Variants in METTL15 observed in about 807,000 individuals in gnomAD.
METTL15 encodes 12S rRNA N(4)-cytidine methyltransferase METTL15.
Under a neutral mutation model 38.3 loss-of-function variants are expected in METTL15, and 34 were observed. That is an observed-to-expected ratio of 0.89 (90% CI 0.68 to 1.18). The LOEUF (loss-of-function observed/expected upper bound fraction) is 1.18. Ranked by LOEUF, METTL15 falls within the 50% of genes most tolerant of loss-of-function variation. The pLI is 0.00. For missense variants in METTL15, 438 were observed against 498.4 expected, an observed-to-expected ratio of 0.88 and a Z score of 1.15; for synonymous variants, 162 against 170.9, an observed-to-expected ratio of 0.95 and a Z score of 0.41.
intron 6 of METTL15, among the ~76,000 whole-genome samples, chr11:28,315,821 T>C (rs1857459732): frequency 6.6e-6 from 1 of 152,222 alleles, no homozygotes; most frequent in African/African-American, 2.4e-5. Context: ...AGGCTGTTGC[T>C]TCAGGGGGTG....
intron 3 of METTL15, among the ~76,000 whole-genome samples, chr11:28,179,189 G>A (rs939494200): frequency 2.6e-5 from 4 of 151,644 alleles, no homozygotes; most frequent in Admixed American, 1.3e-4. Flanking sequence ...GTTTAATATC[G>A]TCACTGATCA....
At chr11:28,205,417 C>G (rs1229236158) in intron 3 of METTL15, among the ~76,000 whole-genome samples, 1 of 152,030 alleles carries the variant, frequency 6.6e-6, no homozygotes, top group Admixed American at 6.6e-5. Context: ...TCATCCATGT[C>G]CCTACAAAGG....
chr11:28,212,010 T>A (rs1852661584), intron 4 of METTL15, among the ~76,000 whole-genome samples: 1 of 151,920 alleles, frequency 6.6e-6, no homozygotes, highest in Non-Finnish European at 1.5e-5. Context: ...TGGACTAGAG[T>A]TTTTACTAGT....
chr11:28,240,488 A>G (rs1438855377), intron 4 of METTL15, among the ~76,000 whole-genome samples: 1 of 152,178 alleles, frequency 6.6e-6, no homozygotes, highest in Non-Finnish European at 1.5e-5. Context: ...TGATCATCAC[A>G]TTGACTGTGT....
intron 3 of METTL15, chr11:28,123,918 T>G: frequency 7.0e-7 from 1 of 1,424,272 alleles, no homozygotes; most frequent in Non-Finnish European, 9.4e-7. Context: ...AATTTCCCAC[T>G]TGAGGCGAGT....
chr11:28,207,290 C>A (rs925402052), intron 3 of METTL15, among the ~76,000 whole-genome samples: 3 of 151,960 alleles, frequency 2.0e-5, no homozygotes, highest in Admixed American at 6.6e-5. Context: ...CCCATCAATA[C>A]CTAATTTATT....
At chr11:28,140,766 C>T (rs1011737803) in intron 3 of METTL15, among the ~76,000 whole-genome samples, 1 of 152,172 alleles carries the variant, frequency 6.6e-6, no homozygotes, top group African/African-American at 2.4e-5. Flanking sequence ...GGGCATTTTA[C>T]ATACATGCTG....
chr11:28,388,014 AATACT>A (rs1335491686), intron 5 of METTL15, among the ~76,000 whole-genome samples: 1 of 149,794 alleles, frequency 6.7e-6, no homozygotes, highest in Non-Finnish European at 1.5e-5. Context: ...TTGTGATAAA[AATACT>A]AAACAAACTA....
intron 3 of METTL15, chr11:28,123,914 C>T (rs1852359300): frequency 2.1e-6 from 3 of 1,433,604 alleles, no homozygotes; most frequent in Non-Finnish European, 2.8e-6. Flanking sequence ...GGAGAATTTC[C>T]CACTTGAGGC....
chr11:28,376,151 G>T (rs1247822343), intron 5 of METTL15, among the ~76,000 whole-genome samples: 1 of 151,828 alleles, frequency 6.6e-6, no homozygotes, highest in African/African-American at 2.4e-5. Flanking sequence ...CTGTTGATTT[G>T]GGGTGGAGAG....
At chr11:28,374,176 A>G (rs1270057196) in intron 5 of METTL15, among the ~76,000 whole-genome samples, 1 of 152,074 alleles carries the variant, frequency 6.6e-6, no homozygotes, top group Admixed American at 6.6e-5. Context: ...TATGAACTTA[A>G]AGTAGTTTTT....
chr11:28,466,538 T>C (rs1206493730), intron 6 of METTL15, among the ~76,000 whole-genome samples: 1 of 152,158 alleles, frequency 6.6e-6, no homozygotes, highest in Non-Finnish European at 1.5e-5. Flanking sequence ...AGTGCAGTTC[T>C]CACAGTTAAG....
At chr11:28,323,684 T>C (rs1166044349) in intron 6 of METTL15, among the ~76,000 whole-genome samples, 1 of 152,170 alleles carries the variant, frequency 6.6e-6, no homozygotes, top group Non-Finnish European at 1.5e-5. Flanking sequence ...AGATGATGGC[T>C]TGGACAAGAG....
intron 3 of METTL15, among the ~76,000 whole-genome samples, chr11:28,123,133 TAGAA>T (rs1852323367): frequency 6.6e-6 from 1 of 152,072 alleles, no homozygotes; most frequent in Non-Finnish European, 1.5e-5. Context: ...GAGAAGCTCA[TAGAA>T]AGAAAAGGGA....
chr11:28,369,702 A>G (rs940676677), intron 5 of METTL15, among the ~76,000 whole-genome samples: 5 of 152,170 alleles, frequency 3.3e-5, no homozygotes, highest in African/African-American at 1.2e-4. Context: ...TCTTTCAAAG[A>G]TGAAGGAGAA....
chr11:28,222,861 A>C (rs926087999), intron 4 of METTL15, among the ~76,000 whole-genome samples: 3 of 152,244 alleles, frequency 2.0e-5, no homozygotes, highest in African/African-American at 7.2e-5. Context: ...GATATCTACT[A>C]TATAGGATAA....
downstream of METTL15, among the ~76,000 whole-genome samples, chr11:28,336,702 G>A (rs567699273): frequency 4.6e-4 from 70 of 152,262 alleles, no homozygotes; most frequent in South Asian, 0.014. Context: ...ACAGGGCAAC[G>A]TAATAGTCAC....
intron 6 of METTL15, among the ~76,000 whole-genome samples, chr11:28,456,662 G>A (rs12272239): frequency 7.2e-5 from 11 of 151,944 alleles, no homozygotes; most frequent in Admixed American, 2.6e-4. Flanking sequence ...GGCTGGTCCC[G>A]AACTCCTGAC....
chr11:28,233,085 A>G (rs1409068611), intron 4 of METTL15, among the ~76,000 whole-genome samples: 2 of 152,186 alleles, frequency 1.3e-5, no homozygotes, highest in East Asian at 3.9e-4. Context: ...TATCACATTA[A>G]GGAATCACAT....
Sources: gnomAD v4.1 joint callset for allele counts (sites outside exome capture counted in the v4.1 genomes callset) on GRCh38, gnomAD v4.1.1 for gene constraint, MANE v1.5 for transcripts, NCBI Gene and HGNC (gene_info 2026-07-23, HGNC 2026-07-21) for gene names.